The following RRP12 variants were observed in gnomAD, a reference collection of about 807,000 sequenced individuals.
RRP12 encodes RRP12-like protein.
In RRP12, 78 loss-of-function variants were observed where a neutral mutation model predicts 157.3. The ratio of observed to expected loss-of-function variants is 0.50; its 90% confidence interval spans 0.41 to 0.60. RRP12 has a LOEUF of 0.60. Among genes scored for constraint, RRP12 ranks in the 20% least tolerant of loss-of-function variants. RRP12 has a pLI of 0.00. For missense variants in RRP12, 1,521 were observed against 1,679.9 expected (o/e 0.91, Z 1.65); for synonymous variants, 726 against 670.9 (o/e 1.08, Z -1.27).
At chr10:97,386,035 C>T (rs1226139951) in intron 8 of RRP12, 42 bp from the exon 9 acceptor site, 1 of 1,386,202 alleles carries the variant, frequency 7.2e-7, no homozygotes, top group East Asian at 2.5e-5. Context: ...CTACAAAGCC[C>T]ACGGCTGGCC....
At chr10:97,359,700 A>G (rs1366354570) in intron 31 of RRP12, among the ~76,000 whole-genome samples, 2 of 152,240 alleles carry the variant, frequency 1.3e-5, no homozygotes, top group Admixed American at 6.5e-5. Flanking sequence ...AGAGACAGAC[A>G]GTGTAACCAG....
rs1479282828 is a variant in RRP12, at chr10:97,366,914, A to T, written c.3048-5T>A. The T allele has an allele frequency of 6.2e-7, 1 of 1,612,290 alleles. No individual in the cohort carries two copies. Among genetic ancestry groups the T allele is most frequent in the South Asian group, 1.1e-5 (1 of 91,038 alleles). On this transcript the variant is annotated splice_polypyrimidine_tract_variant and splice_region_variant and intron_variant, in intron 26 of 33. Coordinates refer to ENST00000370992, the MANE Select transcript of RRP12 (RefSeq NM_015179.4). Reference sequence around the variant, plus strand: ...AGCCTTTTCACCAGCTCAAATCTGGAGGTGGCAAGGAAGGGCTGGTGAGAG... The same window carrying T: ...AGCCTTTTCACCAGCTCAAATCTGGTGGTGGCAAGGAAGGGCTGGTGAGAG...
intron 4 of RRP12, chr10:97,393,155 G>A (rs1844856158): frequency 5.2e-6 from 2 of 384,652 alleles, no homozygotes; most frequent in Admixed American, 6.1e-5. Flanking sequence ...GATTATAGGT[G>A]TGAACCACCG....
chr10:97,395,865 A>C (rs1844948847), intron 3 of RRP12, among the ~76,000 whole-genome samples: 1 of 151,638 alleles, frequency 6.6e-6, no homozygotes, highest in Non-Finnish European at 1.5e-5. Flanking sequence ...AAAAAAAAAA[A>C]AAAAGTAATA....
intron 3 of RRP12, among the ~76,000 whole-genome samples, chr10:97,395,571 C>T (rs1403536103): frequency 6.6e-6 from 1 of 150,960 alleles, no homozygotes. Context: ...AAAAAGTAGA[C>T]CAGGCCTGGT....
intron 2 of RRP12, among the ~76,000 whole-genome samples, chr10:97,398,499 G>A (rs182800293): frequency 8.8e-4 from 133 of 151,086 alleles, no homozygotes; most frequent in South Asian, 2.1e-3. Flanking sequence ...GATTACAGGC[G>A]CATGCCACCA....
chr10:97,396,870 T>C (rs1380425815), intron 2 of RRP12, among the ~76,000 whole-genome samples: 1 of 152,166 alleles, frequency 6.6e-6, no homozygotes, highest in African/African-American at 2.4e-5. Context: ...GTTCAAGCAA[T>C]TCTCCTGCCT....
In RRP12 at chr10:97,367,148, C is replaced by G. The variant is rs369716734; in HGVS notation, c.2956-16G>C. ...TGGCTTCCATCTGCCGGACAGAGCA[C>G]CAGGCTTTCAGGGAGGCGAGCCTTC... On this transcript the variant is annotated splice_polypyrimidine_tract_variant and intron_variant, in intron 25 of 33. Coordinates refer to ENST00000370992, the MANE Select transcript of RRP12 (RefSeq NM_015179.4). 2 of 1,611,892 alleles carry G rather than the reference C, an allele frequency of 1.2e-6. No individual in the cohort carries two copies. Among genetic ancestry groups the G allele is most frequent in the East Asian group, 4.5e-5 (2 of 44,870 alleles).
chr10:97,396,145 G>T, intron 3 of RRP12, 73 bp downstream of exon 3: 1 of 1,040,716 alleles, frequency 9.6e-7, no homozygotes. Context: ...ACATGCCAGG[G>T]GCACTCATCT....
chr10:97,358,441 C>T (rs1589406546), intron 33 of RRP12, 96 bp downstream of exon 33: 1 of 882,820 alleles, frequency 1.1e-6, no homozygotes. Context: ...TCAAATTGAG[C>T]TGAGAGTTTA....
rs1589419491 is a variant in RRP12 at position 97,371,386 on chromosome 10, C to T, written c.2344-305G>A. The T allele has an allele frequency of 1.0e-5, 4 of 398,534 alleles. No homozygotes were observed. The East Asian group carries it at 1.3e-4, about 13-fold the overall frequency. 24.7% of individuals were successfully genotyped at this position (398,534 alleles called of 1,614,324 possible). On this transcript the variant is annotated intron_variant, in intron 20 of 33. Coordinates refer to ENST00000370992, the MANE Select transcript of RRP12 (RefSeq NM_015179.4). ...AAGGCCTGCACATCTGCTGCTCTTT[C>T]TAGCCGGAGCACTCTTCTCTCTCCT...
chr10:97,372,628 C>T, intron 19 of RRP12, 108 bp downstream of exon 19: 1 of 917,660 alleles, frequency 1.1e-6, no homozygotes, highest in Non-Finnish European at 1.7e-6. Flanking sequence ...GTTAATACTT[C>T]AAGGCTTCCT....
chr10:97,365,165 T>G (rs1440387543), intron 29 of RRP12, among the ~76,000 whole-genome samples: 4 of 151,328 alleles, frequency 2.6e-5, no homozygotes, highest in Non-Finnish European at 5.9e-5. Flanking sequence ...TGGGTGCATG[T>G]GGAGCAGTGA....
chr10:97,401,068 T>G lies in RRP12; in HGVS notation c.139+25A>C, dbSNP rs534593815. 7.6e-4 allele frequency: 1,220 copies of G among 1,610,044 alleles called. 6 individuals carry two copies. The highest frequency in any genetic ancestry group is 6.8e-5 in the Non-Finnish European group (80 of 1,178,298). On this transcript the variant is annotated intron_variant, in intron 1 of 33. Transcript: ENST00000370992. ...GTCTGCCTGGAACCCCGCCCCCGGC[T>G]GCGCTCGGGTCTCAACCCAGCTACC...
chr10:97,384,952 A>G (rs879030156), intron 10 of RRP12, among the ~76,000 whole-genome samples: 36 of 51,748 alleles, frequency 7.0e-4, no homozygotes, highest in African/African-American at 1.2e-3. Context: ...CAGGATGAAG[A>G]CCCTGAGGAC....
intron 30 of RRP12, among the ~76,000 whole-genome samples, chr10:97,362,839 C>G (rs1843879960): frequency 1.3e-5 from 2 of 152,338 alleles, no homozygotes; most frequent in Middle Eastern, 3.4e-3. Context: ...TCGGGCCACA[C>G]TGGGCAGATG....
chr10:97,379,234 G>A (rs753946064), intron 15 of RRP12, 59 bp downstream of exon 15: 1 of 1,592,384 alleles, frequency 6.3e-7, no homozygotes, highest in Non-Finnish European at 8.6e-7. Context: ...AATCCCTTCT[G>A]TGGAGGTTCC....
intron 2 of RRP12, among the ~76,000 whole-genome samples, chr10:97,397,013 CCTT>C (rs975679024): frequency 3.3e-5 from 5 of 152,146 alleles, no homozygotes; most frequent in African/African-American, 1.2e-4. Context: ...GATCTGCCCT[CCTT>C]AGCCTCCCAA....
At chr10:97,375,646 G>A (rs560025482) in intron 15 of RRP12, among the ~76,000 whole-genome samples, 2 of 152,226 alleles carry the variant, frequency 1.3e-5, no homozygotes, top group African/African-American at 4.8e-5. Context: ...ATTAATGATG[G>A]TAATGACCCT....
Sources: gnomAD v4.1 joint callset for allele counts (sites outside exome capture counted in the v4.1 genomes callset) on GRCh38, gnomAD v4.1.1 for gene constraint, MANE v1.5 for transcripts, NCBI Gene and HGNC (gene_info 2026-07-23, HGNC 2026-07-21) for gene names.